Variants in DOCK5 observed in about 807,000 individuals in gnomAD.
DOCK5 encodes the protein dedicator of cytokinesis 5.
A neutral mutation model predicts 251.8 loss-of-function variants in DOCK5; 142 were observed. The ratio of observed to expected loss-of-function variants is 0.56; its 90% CI spans 0.49 to 0.65. The LOEUF (loss-of-function observed/expected upper bound fraction) is 0.65. Ranked by LOEUF, DOCK5 falls within the 30% of genes least tolerant of loss-of-function variation. The pLI, the probability that DOCK5 is intolerant of heterozygous loss-of-function variation, is 0.00. For synonymous variants in DOCK5, 842 were observed against 835.5 expected, an observed-to-expected ratio of 1.01 and a Z score of -0.13; for missense variants, 2,111 against 2,312.3, an observed-to-expected ratio of 0.91 and a Z score of 1.79.
In DOCK5 at chr8:25,320,961, AT is replaced by A; in HGVS notation, c.1543-16del. ...AGTACTGTGTGTCTGTAAACTATTAATTTCTTACTATGACACAGGTATCCAT... is the reference window on the plus strand; with the variant it reads ...AGTACTGTGTGTCTGTAAACTATTAATTCTTACTATGACACAGGTATCCAT... On this transcript the variant is annotated intron_variant, in intron 15 of 51. Transcript: ENST00000276440. 6.2e-7 allele frequency: 1 copy of A among 1,607,288 alleles called. No homozygotes were observed. The highest frequency in any genetic ancestry group is 1.1e-5 in the South Asian group (1 of 90,350).
chr8:25,249,698 T>C (rs1200976295), intron 2 of DOCK5, among the ~76,000 whole-genome samples: 1 of 152,180 alleles, frequency 6.6e-6, no homozygotes, highest in Non-Finnish European at 1.5e-5. Flanking sequence ...GGAATCCTCC[T>C]ACTCCAGCCT....
At chr8:25,270,601 G>A (rs1320622839) in intron 3 of DOCK5, among the ~76,000 whole-genome samples, 1 of 152,128 alleles carries the variant, frequency 6.6e-6, no homozygotes, top group Non-Finnish European at 1.5e-5. Context: ...AAAATTATGT[G>A]ATGAACTTAA....
intron 36 of DOCK5, among the ~76,000 whole-genome samples, chr8:25,373,865 C>T (rs1800917414): frequency 1.3e-5 from 2 of 152,168 alleles, no homozygotes; most frequent in Non-Finnish European, 2.9e-5. Flanking sequence ...TATGTGAGGT[C>T]ATGTCAGGGA....
chr8:25,303,285 C>T (rs908944283), intron 10 of DOCK5, among the ~76,000 whole-genome samples: 1 of 152,224 alleles, frequency 6.6e-6, no homozygotes, highest in African/African-American at 2.4e-5. Flanking sequence ...TAGTGCCCAA[C>T]ACTGTGTCTT....
rs1469472142 is a variant in DOCK5 at position 25,332,602 on chromosome 8, GT to G, written c.2006del (p.Leu669CysfsTer5). 6.2e-7 allele frequency: 1 copy of G among 1,606,760 alleles called. No individual in the cohort carries two copies. Among genetic ancestry groups the G allele is most frequent in the Non-Finnish European group, 8.5e-7 (1 of 1,176,866 alleles). ...AACCTCTCCGTTTTTCTTATCTTCAGTTTTTGCAAGATACACTAGATGCACT... is the reference window on the plus strand; with the variant it reads ...AACCTCTCCGTTTTTCTTATCTTCAGTTTTGCAAGATACACTAGATGCACT... The part of the protein sequence containing the change: ...MEVDGGEIVK[F>X]LQDTLDALFN... On this transcript the variant is annotated frameshift_variant and splice_region_variant, in exon 20 of 52. Transcript: ENST00000276440. LOFTEE classifies it high-confidence loss of function.
At chr8:25,239,295 C>G (rs530530055) in intron 1 of DOCK5, among the ~76,000 whole-genome samples, 41 of 150,608 alleles carry the variant, frequency 2.7e-4, no homozygotes, top group African/African-American at 9.6e-4. Flanking sequence ...TTTAAGCAAA[C>G]CGGTCTTTGG....
chr8:25,336,416 A>G, intron 22 of DOCK5, 43 bp downstream of exon 22: 1 of 1,601,342 alleles, frequency 6.2e-7, no homozygotes, highest in Non-Finnish European at 8.5e-7. Context: ...ATCAGCTGTC[A>G]CTCTGTGTGC....
chr8:25,391,201 GTGTGTGT>G (rs1563228001), intron 42 of DOCK5, among the ~76,000 whole-genome samples: 23,087 of 139,552 alleles, frequency 0.17, 2,336 homozygotes, highest in East Asian at 0.22. Flanking sequence ...CCACACCTGT[GTGTGTGT>G]GTGTGTGTGT....
chr8:25,384,229 C>T (rs987215102), intron 40 of DOCK5, among the ~76,000 whole-genome samples: 1 of 152,150 alleles, frequency 6.6e-6, no homozygotes, highest in African/African-American at 2.4e-5. Context: ...GCCTAGGCAA[C>T]GCTTCCTATC....
In DOCK5 at chr8:25,341,750, G is replaced by T. The variant is rs750808889; in HGVS notation, c.2451G>T (p.Leu817Phe). The T allele has an allele frequency of 6.3e-7, 1 of 1,578,194 alleles. No homozygotes were observed. The highest frequency in any genetic ancestry group is 2.3e-5 in the East Asian group (1 of 43,810). The change falls in exon 24 of 52, where the codon TTG (leucine) becomes TTT (phenylalanine). Residue 817 changes from leucine (L) to phenylalanine (F), a missense_variant. Leu to Phe is a conservative substitution (Grantham distance 22, BLOSUM62 0). Around this residue, in one of 3 missense-constraint regions of DOCK5, gnomAD observed 1,717 missense variants for 1,892.4 expected, o/e 0.91. Coordinates refer to ENST00000276440, the MANE Select transcript of DOCK5 (RefSeq NM_024940.8). ...EEAVKIKGAA[L>F]KYLPSIINDV... Reference sequence around the variant, plus strand: ...TGTTTTTCTTACAGGGGGCAGCTTTGAAGTACCTTCCTAGCATAATTAATG... The same window carrying T: ...TGTTTTTCTTACAGGGGGCAGCTTTTAAGTACCTTCCTAGCATAATTAATG...
chr8:25,299,369 A>G (rs1804699223), intron 8 of DOCK5: 1 of 365,326 alleles, frequency 2.7e-6, no homozygotes, highest in Non-Finnish European at 4.9e-6. Flanking sequence ...AATTCAAAAC[A>G]GTGTGTGGGA....
Position 25,287,970 on chromosome 8 carries a change from C to T in DOCK5, c.322-4054C>T, listed in dbSNP as rs149992673. On this transcript the variant is annotated intron_variant, in intron 5 of 51. Transcript: ENST00000276440. ...GTGTGATCTCGGCTTGCAGCAACCT[C>T]TGCCTCCTGGGTTCAAGCAATTCTC... Among the ~76,000 whole-genome samples the T allele has an allele frequency of 7.2e-3, 1,084 of 150,930 alleles. 17 individuals carry two copies. The highest frequency in any genetic ancestry group is 0.025 in the African/African-American group (1,045 of 40,982).
At chr8:25,246,723 T>C (rs1392285854) in intron 2 of DOCK5, among the ~76,000 whole-genome samples, 2 of 142,746 alleles carry the variant, frequency 1.4e-5, no homozygotes, top group African/African-American at 5.3e-5. Context: ...TGTGTGTGTG[T>C]GTGTGTGTGT....
At chr8:25,276,149 G>A (rs2117126113) in intron 4 of DOCK5, among the ~76,000 whole-genome samples, 1 of 152,312 alleles carries the variant, frequency 6.6e-6, no homozygotes, top group African/African-American at 2.4e-5. Context: ...ATCCTTGAGA[G>A]AGAGATGATT....
At chr8:25,268,289 A>C (rs1348825454) in intron 2 of DOCK5, among the ~76,000 whole-genome samples, 56 of 152,082 alleles carry the variant, frequency 3.7e-4, no homozygotes, top group Admixed American at 3.7e-3. Context: ...ATTTTGTTTT[A>C]TTATTTCATT....
At chr8:25,219,548 T>C (rs543524574) in intron 1 of DOCK5, among the ~76,000 whole-genome samples, 1 of 152,352 alleles carries the variant, frequency 6.6e-6, no homozygotes, top group East Asian at 1.9e-4. Context: ...GTAGTAACTC[T>C]TTGAGGAAAG....
chr8:25,216,177 C>CAATATGTATATATGTATACAATATGTGT (rs1563311085), intron 1 of DOCK5, among the ~76,000 whole-genome samples: 69 of 107,360 alleles, frequency 6.4e-4, no homozygotes, highest in African/African-American at 3.0e-3. Flanking sequence ...ACAATATGTG[C>CAATATGTATATATGTATACAATATGTGT]ATACAATATG....
chr8:25,322,290 G>A (rs1400132777), intron 16 of DOCK5, among the ~76,000 whole-genome samples: 3 of 152,222 alleles, frequency 2.0e-5, no homozygotes, highest in Non-Finnish European at 4.4e-5. Flanking sequence ...ATTACAAGGG[G>A]CAAAGACTTG....
At chr8:25,306,520 C>A (rs541221850) in intron 11 of DOCK5, among the ~76,000 whole-genome samples, 11 of 152,106 alleles carry the variant, frequency 7.2e-5, no homozygotes, top group Non-Finnish European at 1.3e-4. Context: ...CGGTGAAACC[C>A]TGTCTCTACT....
Sources: allele counts gnomAD v4.1 joint callset (sites outside exome capture counted in the v4.1 genomes callset), GRCh38; gene constraint gnomAD v4.1.1; regional missense constraint gnomAD v4.1.1; transcripts MANE v1.5; gene names NCBI Gene and HGNC (gene_info 2026-07-23, HGNC 2026-07-21).